MYO3A: variants seen among roughly 807,000 people sequenced by gnomAD.
The protein encoded by MYO3A is myosin-IIIa.
In MYO3A, 180 loss-of-function variants were observed where a neutral mutation model predicts 192.7. The ratio of observed to expected loss-of-function variants is 0.93; its 90% CI spans 0.83 to 1.06. The LOEUF (loss-of-function observed/expected upper bound fraction) is 1.06, where lower values mean the gene tolerates loss of function less well. Among genes scored for constraint, MYO3A ranks in the 50% least tolerant of loss-of-function variants. MYO3A has a pLI of 0.00. For missense variants in MYO3A, 1,896 were observed against 1,905.0 expected (o/e 1.00, Z 0.09); for synonymous variants, 628 against 645.3 (o/e 0.97, Z 0.41).
intron 2 of MYO3A, among the ~76,000 whole-genome samples, chr10:25,947,389 C>CTT (rs869281200): frequency 0.01 from 933 of 91,814 alleles, 29 homozygotes; most frequent in African/African-American, 0.036. Context: ...TTTTCTTTTT[C>CTT]TTTTTTTTTT....
intron 34 of MYO3A, among the ~76,000 whole-genome samples, chr10:26,208,263 T>C (rs543168639): frequency 2.0e-5 from 3 of 152,032 alleles, no homozygotes; most frequent in Non-Finnish European, 4.4e-5. Flanking sequence ...GTTTTAATTA[T>C]GGCAAGATGA....
chr10:26,132,427 A>G (rs906600142), intron 20 of MYO3A, among the ~76,000 whole-genome samples: 1 of 152,202 alleles, frequency 6.6e-6, no homozygotes, highest in Non-Finnish European at 1.5e-5. Flanking sequence ...CTAGAAGTTT[A>G]TACTTCAAAT....
chr10:26,107,688 A>G (rs1476965098), intron 17 of MYO3A, among the ~76,000 whole-genome samples: 7 of 151,996 alleles, frequency 4.6e-5, no homozygotes, highest in Non-Finnish European at 1.0e-4. Context: ...TTTTCTTATA[A>G]TACTTTAAAT....
chr10:25,968,457 C>T (rs1340250445), intron 4 of MYO3A, among the ~76,000 whole-genome samples: 1 of 152,088 alleles, frequency 6.6e-6, no homozygotes, highest in Non-Finnish European at 1.5e-5. Context: ...GTCATACCTA[C>T]AGAAAGGAAT....
chr10:26,083,511 A>G (rs906313869), intron 14 of MYO3A, among the ~76,000 whole-genome samples: 4 of 152,172 alleles, frequency 2.6e-5, no homozygotes, highest in Admixed American at 2.6e-4. Flanking sequence ...TGCTCTTATT[A>G]GTACTTCCAG....
In MYO3A at chr10:26,186,097, C is replaced by T. The variant is rs145619514; in HGVS notation, c.4439-7108C>T. 6.0e-3 allele frequency among the ~76,000 whole-genome samples: 909 copies of T among 152,124 alleles called. 2 individuals carry two copies. The highest frequency in any genetic ancestry group is 9.5e-3 in the Non-Finnish European group (643 of 67,986). ...ATATCATTGAAAATGTACTTGTGTACTGGAATTTTAATATTATGGGACAAA... is the reference window on the plus strand; with the variant it reads ...ATATCATTGAAAATGTACTTGTGTATTGGAATTTTAATATTATGGGACAAA... On this transcript the variant is annotated intron_variant, in intron 31 of 34. Coordinates refer to ENST00000642920, the MANE Select transcript of MYO3A (RefSeq NM_017433.5).
chr10:25,943,892 TTA>T (rs1021453004), intron 2 of MYO3A, among the ~76,000 whole-genome samples: 4 of 151,854 alleles, frequency 2.6e-5, no homozygotes, highest in African/African-American at 9.7e-5. Context: ...ATGCTTTTAT[TTA>T]TGTTTCTTGC....
At chr10:26,131,570 C>T (rs1228574377) in intron 20 of MYO3A, among the ~76,000 whole-genome samples, 2 of 152,160 alleles carry the variant, frequency 1.3e-5, no homozygotes, top group African/African-American at 2.4e-5. Context: ...CTCTTAGTAA[C>T]AACCTGGAGC....
At chr10:26,050,908 G>A (rs1441097132) in intron 10 of MYO3A, among the ~76,000 whole-genome samples, 2 of 152,196 alleles carry the variant, frequency 1.3e-5, no homozygotes, top group African/African-American at 4.8e-5. Context: ...AGGTAGGATT[G>A]TGCCTGTTGT....
chr10:26,066,902 C>A, intron 10 of MYO3A, 73 bp from the exon 11 acceptor site: 1 of 932,678 alleles, frequency 1.1e-6, no homozygotes, highest in Non-Finnish European at 1.8e-6. Flanking sequence ...TTTTCAGTAT[C>A]ATATGTATCT....
At chr10:26,153,829 C>A in intron 23 of MYO3A, 21 bp from the exon 24 acceptor site, 1 of 1,461,578 alleles carries the variant, frequency 6.8e-7, no homozygotes, top group Non-Finnish European at 9.6e-7. Flanking sequence ...AGGTATATTA[C>A]ATTTTTCTAC....
At chr10:26,152,784 G>T (rs1286559747) in intron 23 of MYO3A, among the ~76,000 whole-genome samples, 1 of 152,180 alleles carries the variant, frequency 6.6e-6, no homozygotes, top group African/African-American at 2.4e-5. Flanking sequence ...GAACAGGGCA[G>T]TGTGCAGGGC....
intron 15 of MYO3A, among the ~76,000 whole-genome samples, chr10:26,093,364 T>G (rs1836819050): frequency 6.6e-6 from 1 of 152,192 alleles, no homozygotes; most frequent in Non-Finnish European, 1.5e-5. Context: ...TTTTTATTAT[T>G]TTGTGGTGAG....
At chr10:26,160,587 GGAGGCTAT>G (rs1379792212) in intron 26 of MYO3A, among the ~76,000 whole-genome samples, 9 of 152,080 alleles carry the variant, frequency 5.9e-5, no homozygotes, top group African/African-American at 2.2e-4. Context: ...CAAGGTTACA[GGAGGCTAT>G]GTTCATACCA....
intron 4 of MYO3A, among the ~76,000 whole-genome samples, chr10:25,974,652 C>A (rs192642077): frequency 1.1e-3 from 171 of 152,324 alleles, no homozygotes; most frequent in African/African-American, 3.9e-3. Flanking sequence ...ATGCCACAGA[C>A]TCCTACTGTT....
intron 6 of MYO3A, among the ~76,000 whole-genome samples, chr10:26,016,461 G>A (rs145007571): frequency 1.4e-4 from 21 of 152,260 alleles, no homozygotes; most frequent in South Asian, 8.3e-4. Context: ...GAGGAAGCAC[G>A]CCATTCAAAT....
chr10:25,971,336 T>C (rs566413549), intron 4 of MYO3A, among the ~76,000 whole-genome samples: 1 of 152,314 alleles, frequency 6.6e-6, no homozygotes, highest in African/African-American at 2.4e-5. Flanking sequence ...ATATGCCTAA[T>C]GTTTTATACA....
At chr10:25,972,634 T>G (rs1432891780) in intron 4 of MYO3A, among the ~76,000 whole-genome samples, 3 of 152,182 alleles carry the variant, frequency 2.0e-5, no homozygotes, top group African/African-American at 7.2e-5. Flanking sequence ...GCTGGACTAT[T>G]TTAGTAAAAT....
chr10:26,178,816 T>G (rs1283823358), intron 31 of MYO3A, among the ~76,000 whole-genome samples: 3 of 151,848 alleles, frequency 2.0e-5, no homozygotes, highest in Non-Finnish European at 2.9e-5. Flanking sequence ...ATTTATTTAT[T>G]TTTGAGACAG....
Sources: gnomAD v4.1 joint callset for allele counts (sites outside exome capture counted in the v4.1 genomes callset) on GRCh38, gnomAD v4.1.1 for gene constraint, MANE v1.5 for transcripts, NCBI Gene and HGNC (gene_info 2026-07-23, HGNC 2026-07-21) for gene names.